Variants in SEC61A2 observed in about 807,000 individuals in gnomAD.
SEC61A2 encodes the protein protein transport protein Sec61 subunit alpha isoform 2.
Under a neutral mutation model 59.9 loss-of-function variants are expected in SEC61A2, and 28 were observed. That is an observed-to-expected ratio of 0.47 (90% CI 0.35 to 0.64). The LOEUF (loss-of-function observed/expected upper bound fraction) is 0.64. Ranked by LOEUF, SEC61A2 falls within the 30% of genes least tolerant of loss-of-function variation. The probability of loss-of-function intolerance (pLI) is 0.01; values close to 1 mark genes in which losing one functional copy is unlikely to be tolerated. For synonymous variants in SEC61A2, 202 were observed against 214.4 expected, an observed-to-expected ratio of 0.94 and a Z score of 0.50; for missense variants, 340 against 585.9, an observed-to-expected ratio of 0.58 and a Z score of 4.33.
chr10:12,151,561 C>T (rs889970646), intron 6 of SEC61A2, among the ~76,000 whole-genome samples: 4 of 152,086 alleles, frequency 2.6e-5, no homozygotes, highest in African/African-American at 7.2e-5. Context: ...CCGCCTGCCT[C>T]GGCCTCCCAA....
At chr10:12,148,312 C>G (rs939345863) in intron 4 of SEC61A2, among the ~76,000 whole-genome samples, 2 of 139,792 alleles carry the variant, frequency 1.4e-5, no homozygotes, top group Admixed American at 7.9e-5. Context: ...ATGGCGGGAT[C>G]TTGGCTCACC....
downstream of SEC61A2, chr10:12,166,561 T>C (rs1262063173): frequency 6.0e-6 from 2 of 333,030 alleles, no homozygotes; most frequent in Non-Finnish European, 1.2e-5. Context: ...CGGAGGCTAC[T>C]GCAGCATTCT....
At position 12,153,619 on chromosome 10, in the gene SEC61A2, T is replaced by C; in HGVS notation, c.463-2159T>C. Reference sequence around the variant, plus strand: ...GTGAAGTGGATGTACACTGATTCATTTACATGAATTCTGATACACAAATAT... The same window carrying C: ...GTGAAGTGGATGTACACTGATTCATCTACATGAATTCTGATACACAAATAT... On this transcript the variant is annotated intron_variant, in intron 6 of 11. Transcript: ENST00000298428. This position sits in a 1 kb window ranked among gnomAD's most constrained non-coding sequence, Gnocchi z 5.2. 1 of 1,091,986 alleles carries C rather than the reference T, an allele frequency of 9.2e-7. No homozygotes were observed. 67.6% of individuals were successfully genotyped at this position (1,091,986 alleles called of 1,614,324 possible). A position where few individuals can be genotyped will look rare whatever the true frequency, so the allele number is the denominator to read the frequency against.
intron 1 of SEC61A2, among the ~76,000 whole-genome samples, chr10:12,132,261 A>G (rs1047816579): frequency 3.8e-4 from 56 of 147,054 alleles, no homozygotes; most frequent in African/African-American, 1.4e-3. Flanking sequence ...AGATGGCGGC[A>G]CTGCACTCCA....
Position 12,142,403 on chromosome 10 carries a change from G to A in SEC61A2, c.142-714G>A, listed in dbSNP as rs1834041154. On this transcript the variant is annotated intron_variant, in intron 3 of 11. Coordinates refer to ENST00000298428, the MANE Select transcript of SEC61A2 (RefSeq NM_018144.4). This position sits in a 1 kb window ranked among gnomAD's most constrained non-coding sequence, Gnocchi z 5.4. ...ACTGCTATTTTATATTTAGTTTTAT[G>A]ACATAAGTACTTCTTCCATGTTATT... 1 of 363,964 alleles carries A rather than the reference G, an allele frequency of 2.7e-6. No homozygotes were observed. Among genetic ancestry groups the A allele is most frequent in the African/African-American group, 2.2e-5 (1 of 45,248 alleles). The allele number at this position is 363,964 out of a possible 1,614,324, so 22.5% of individuals were successfully genotyped here. A position where few individuals can be genotyped will look rare whatever the true frequency, so the allele number is the denominator to read the frequency against.
intron 3 of SEC61A2, among the ~76,000 whole-genome samples, chr10:12,136,674 G>C (rs973187953): frequency 2.0e-5 from 3 of 152,016 alleles, no homozygotes; most frequent in African/African-American, 7.2e-5. Context: ...TTGTTGCCCA[G>C]GCTGGAGTGC....
chr10:12,141,028 TA>T (rs1834007978), intron 3 of SEC61A2, among the ~76,000 whole-genome samples: 1 of 152,124 alleles, frequency 6.6e-6, no homozygotes, highest in South Asian at 2.1e-4. Context: ...GCCTCCTGAG[TA>T]GCTGGGATTA....
rs1833683673 is a variant in SEC61A2, at chr10:12,129,770, G to T, written c.-18G>T. 1.3e-6 allele frequency: 2 copies of T among 1,487,778 alleles called. No homozygotes were observed. Among genetic ancestry groups the T allele is most frequent in the Non-Finnish European group, 8.9e-7 (1 of 1,123,576 alleles). 92.2% of individuals were successfully genotyped at this position (1,487,778 alleles called of 1,614,324 possible). ...CGCCGAGGCCGCGGTTTCCCCCTGG[G>T]CCTCCCCAGCAGCAGCCATGGGCAG... On this transcript the variant is annotated 5_prime_UTR_variant, in exon 1 of 12. Transcript: ENST00000298428. This position sits in a 1 kb window ranked among gnomAD's most constrained non-coding sequence, Gnocchi z 5.6.
At chr10:12,132,267 C>T (rs1327169602) in intron 1 of SEC61A2, among the ~76,000 whole-genome samples, 4 of 150,936 alleles carry the variant, frequency 2.7e-5, no homozygotes, top group Admixed American at 6.6e-5. Flanking sequence ...CGGCACTGCA[C>T]TCCAGCCTGG....
At chr10:12,138,996 C>G (rs530523703) in intron 3 of SEC61A2, among the ~76,000 whole-genome samples, 1 of 152,312 alleles carries the variant, frequency 6.6e-6, no homozygotes, top group African/African-American at 2.4e-5. Flanking sequence ...TAGTCTCGCT[C>G]TGTTGCCCAG....
chr10:12,166,454 T>C (rs1197972986), downstream of SEC61A2: 1 of 235,644 alleles, frequency 4.2e-6, no homozygotes, highest in Admixed American at 5.1e-5. Flanking sequence ...AGTTCTGTAT[T>C]TCCATAATTG....
Position 12,145,625 on chromosome 10 carries a change from G to A in SEC61A2, c.220+2430G>A, listed in dbSNP as rs2131662438. 6.6e-6 allele frequency among the ~76,000 whole-genome samples: 1 copy of A among 152,244 alleles called. No homozygotes were observed. The highest frequency in any genetic ancestry group is 2.1e-4 in the South Asian group (1 of 4,826). On this transcript the variant is annotated intron_variant, in intron 4 of 11. Coordinates refer to ENST00000298428, the MANE Select transcript of SEC61A2 (RefSeq NM_018144.4). The surrounding 1 kb of genome is among the most constrained non-coding windows in gnomAD (Gnocchi z 4.4). ...CTTCTATAAGTGGAGTTTTATTAGT[G>A]TGTTAGATTCCTTTTGTTGTAAGTA...
chr10:12,131,834 G>A (rs1362151236), intron 1 of SEC61A2, among the ~76,000 whole-genome samples: 1 of 137,542 alleles, frequency 7.3e-6, no homozygotes, highest in Non-Finnish European at 1.6e-5. Context: ...GGGACTACAG[G>A]GGCCCGCCAC....
At chr10:12,157,144 G>A in intron 8 of SEC61A2, 77 bp downstream of exon 8, 1 of 1,396,658 alleles carries the variant, frequency 7.2e-7, no homozygotes, top group Admixed American at 2.1e-5. Context: ...CATCTGACAT[G>A]CTGTTGTTTA....
chr10:12,162,518 A>G lies in SEC61A2; in HGVS notation c.1244+229A>G. The G allele has an allele frequency of 1.4e-6, 1 of 695,590 alleles. No homozygotes were observed. The highest frequency in any genetic ancestry group is 1.4e-5 in the South Asian group (1 of 70,786). 43.1% of individuals were successfully genotyped at this position (695,590 alleles called of 1,614,324 possible). A position where few individuals can be genotyped will look rare whatever the true frequency, so the allele number is the denominator to read the frequency against. The stretch of plus-strand genomic sequence containing the variant: ...TCCCAGTGATAAAATCTTGCAGATC[A>G]GTGCTGTTCTCAGCATTGGCTGGCT... On this transcript the variant is annotated intron_variant, in intron 11 of 11. Coordinates refer to ENST00000298428, the MANE Select transcript of SEC61A2 (RefSeq NM_018144.4). The surrounding 1 kb of genome is among the most constrained non-coding windows in gnomAD (Gnocchi z 6.1).
chr10:12,152,326 C>T lies in SEC61A2; in HGVS notation c.462+2365C>T, dbSNP rs112018701. Among the ~76,000 whole-genome samples, 3,693 of 151,468 alleles carry T rather than the reference C, an allele frequency of 0.024. 77 individuals are homozygous for T. Among genetic ancestry groups the T allele is most frequent in the Non-Finnish European group, 0.033 (2,222 of 67,860 alleles). The stretch of plus-strand genomic sequence containing the variant: ...AACTTCTGACCTTAGGTGATCCACC[C>T]GCCTCGGCCTTCCAAAATGCTGGGA... On this transcript the variant is annotated intron_variant, in intron 6 of 11. Transcript: ENST00000298428. This position sits in a 1 kb window ranked among gnomAD's most constrained non-coding sequence, Gnocchi z 5.5.
chr10:12,139,742 C>T (rs1038693546), intron 3 of SEC61A2, among the ~76,000 whole-genome samples: 8 of 152,144 alleles, frequency 5.3e-5, no homozygotes, highest in Middle Eastern at 3.4e-3. Flanking sequence ...TGAGATCGAG[C>T]CACTGCACTC....
chr10:12,141,961 C>T (rs1371152487), intron 3 of SEC61A2, among the ~76,000 whole-genome samples: 3 of 152,160 alleles, frequency 2.0e-5, no homozygotes, highest in Admixed American at 2.0e-4. Context: ...CAGACAGAAG[C>T]ATAGTTTGGG....
intron 4 of SEC61A2, among the ~76,000 whole-genome samples, chr10:12,146,586 C>T (rs1280586231): frequency 2.0e-5 from 3 of 150,030 alleles, no homozygotes; most frequent in Admixed American, 6.6e-5. Flanking sequence ...GGCGCGATGT[C>T]AGCTCACTGC....
Sources: allele counts gnomAD v4.1 joint callset (sites outside exome capture counted in the v4.1 genomes callset), GRCh38; gene constraint gnomAD v4.1.1; non-coding constraint Gnocchi (gnomAD v3.1); transcripts MANE v1.5; gene names NCBI Gene and HGNC (gene_info 2026-07-23, HGNC 2026-07-21).